Variants in CFLAR observed in about 807,000 individuals in gnomAD.
CFLAR encodes CASP8 and FADD-like apoptosis regulator.
A neutral mutation model predicts 51.1 loss-of-function variants in CFLAR; 14 were observed. That is an observed-to-expected ratio of 0.27 (90% confidence interval 0.18 to 0.43). The LOEUF is 0.43. Among genes scored for constraint, CFLAR ranks in the 20% least tolerant of loss-of-function variants. CFLAR has a pLI of 1.00. For missense variants in CFLAR, 390 were observed against 566.5 expected (o/e 0.69, Z 3.16); for synonymous variants, 210 against 211.6 (o/e 0.99, Z 0.06).
Position 201,172,583 on chromosome 2 carries a change from C to G in CFLAR, c.*8610C>G, listed in dbSNP as rs930806249. The stretch of plus-strand genomic sequence containing the variant: ...CTGCCACTCTAATCCTCCTCTTCCC[C>G]CAGCCTCTAGAAACAATAATCCATT... On this transcript the variant is annotated 3_prime_UTR_variant, in exon 10 of 10. Transcript: ENST00000309955. 3 of 152,182 alleles carry G rather than the reference C, an allele frequency of 2.0e-5. No individual in the cohort carries two copies. The highest frequency in any genetic ancestry group is 3.8e-4 in the East Asian group (2 of 5,202). The allele number at this position is 152,182 out of a possible 1,614,324, so 9.4% of individuals were successfully genotyped here. A position where few individuals can be genotyped will look rare whatever the true frequency, so the allele number is the denominator to read the frequency against.
rs750104735 is a variant in CFLAR at position 201,133,016 on chromosome 2, G to A, written c.282-13G>A. On this transcript the variant is annotated splice_polypyrimidine_tract_variant and intron_variant, in intron 2 of 9. Transcript: ENST00000309955. ...ATGTCTGAATTAACTAAATGAACTTGTCTGGTTTGCAGAGTGCTGATGGCA... is the reference window on the plus strand; with the variant it reads ...ATGTCTGAATTAACTAAATGAACTTATCTGGTTTGCAGAGTGCTGATGGCA... The A allele has an allele frequency of 5.6e-6, 9 of 1,606,698 alleles. No homozygotes were observed. Among genetic ancestry groups the A allele is most frequent in the South Asian group, 3.3e-5 (3 of 90,530 alleles).
At position 201,118,205 on chromosome 2, in the gene CFLAR, CTTTATGT is replaced by C. The variant is rs1313506149; in HGVS notation, c.-138+1729_-138+1735del. ...TCGTTAAAATGGCTTTCTCTAGCGA[CTTTATGT>C]TTTACGTTTCTGTTTGTAACTGACA... On this transcript the variant is annotated intron_variant, in intron 1 of 9. Coordinates refer to ENST00000309955, the MANE Select transcript of CFLAR (RefSeq NM_003879.7). The surrounding 1 kb of genome is among the most constrained non-coding windows in gnomAD (Gnocchi z 5.1). 6.6e-6 allele frequency among the ~76,000 whole-genome samples: 1 copy of C among 152,216 alleles called. No homozygotes were observed. Among genetic ancestry groups the C allele is most frequent in the African/African-American group, 2.4e-5 (1 of 41,448 alleles).
Position 201,173,834 on chromosome 2 carries a change from G to T in CFLAR, c.*9861G>T. On this transcript the variant is annotated 3_prime_UTR_variant, in exon 10 of 10. Coordinates refer to ENST00000309955, the MANE Select transcript of CFLAR (RefSeq NM_003879.7). ...TTACAGGCACCCACCATCACGCCTG[G>T]CTAATTTTTGTATTTTTAGTAGAGA... 6.6e-6 allele frequency: 1 copy of T among 151,224 alleles called. No individual in the cohort carries two copies. Among genetic ancestry groups the T allele is most frequent in the Non-Finnish European group, 1.5e-5 (1 of 67,896 alleles). 9.4% of individuals were successfully genotyped at this position (151,224 alleles called of 1,614,324 possible). A position where few individuals can be genotyped will look rare whatever the true frequency, so the allele number is the denominator to read the frequency against.
chr2:201,164,950 C>G lies in CFLAR; in HGVS notation c.*977C>G, dbSNP rs530573999. Reference sequence around the variant, plus strand: ...GGCAGAAAAAGAGGATGCAAACTCTCAAGTATATCTTTAAGGGCACAAATT... The same window carrying G: ...GGCAGAAAAAGAGGATGCAAACTCTGAAGTATATCTTTAAGGGCACAAATT... On this transcript the variant is annotated 3_prime_UTR_variant, in exon 10 of 10. Transcript: ENST00000309955. 29 of 152,278 alleles carry G rather than the reference C, an allele frequency of 1.9e-4. No homozygotes were observed. Among genetic ancestry groups the G allele is most frequent in the African/African-American group, 7.0e-4 (29 of 41,548 alleles). 9.4% of individuals were successfully genotyped at this position (152,278 alleles called of 1,614,324 possible).
At chr2:201,162,849 T>C in intron 9 of CFLAR, 1 of 559,012 alleles carries the variant, frequency 1.8e-6, no homozygotes, top group Admixed American at 3.0e-5. Context: ...AGCATCAGTT[T>C]AATGTATGCA....
Position 201,140,081 on chromosome 2 carries a change from A to AG in CFLAR, c.524-274dup. The stretch of plus-strand genomic sequence containing the variant: ...AAACGCTGCAGCTGCTGCGACGCGG[A>AG]GGCGCGCCGCTGCCACGCTGCAGCC... On this transcript the variant is annotated intron_variant, in intron 4 of 9. Transcript: ENST00000309955. 2.3e-5 allele frequency: 2 copies of AG among 87,262 alleles called. 1 individual carries two copies. The highest frequency in any genetic ancestry group is 1.7e-4 in the South Asian group (2 of 11,640). 5.4% of individuals were successfully genotyped at this position (87,262 alleles called of 1,614,324 possible).
chr2:201,140,800 G>A (rs1938588828), intron 5 of CFLAR: 2 of 160,368 alleles, frequency 1.2e-5, no homozygotes, highest in African/African-American at 2.4e-5. Flanking sequence ...CATACAGTTG[G>A]ACAATTGGAC....
At position 201,124,602 on chromosome 2, in the gene CFLAR, T is replaced by G. The variant is rs1018036696; in HGVS notation, c.-137-5127T>G. ...CGCCCGCCTTGGCCTCCCAAAGTGC[T>G]GGGATTACAGGTGTGAGCCACCGCG... On this transcript the variant is annotated intron_variant, in intron 1 of 9. Coordinates refer to ENST00000309955, the MANE Select transcript of CFLAR (RefSeq NM_003879.7). This position sits in a 1 kb window ranked among gnomAD's most constrained non-coding sequence, Gnocchi z 4.7. Among the ~76,000 whole-genome samples, 1 of 152,220 alleles carries G rather than the reference T, an allele frequency of 6.6e-6. No homozygotes were observed. Among genetic ancestry groups the G allele is most frequent in the Non-Finnish European group, 1.5e-5 (1 of 68,048 alleles).
intron 9 of CFLAR, chr2:201,163,121 GA>G: frequency 7.8e-6 from 6 of 768,322 alleles, no homozygotes; most frequent in Non-Finnish European, 1.4e-5. Flanking sequence ...CTGTGTCCCT[GA>G]ATTCTCCCTG....
chr2:201,130,383 A>C (rs2049164782), intron 2 of CFLAR, among the ~76,000 whole-genome samples: 1 of 88,148 alleles, frequency 1.1e-5, no homozygotes, highest in Non-Finnish European at 2.1e-5. Flanking sequence ...TTTTTTTGAG[A>C]CAGAGTCTCA....
chr2:201,163,877 C>T lies in CFLAR; in HGVS notation c.1347C>T (p.Tyr449=). Reference sequence around the variant, plus strand: ...ATCTTCACATTGAACTCAATGGCTACATGTATGATTGGAACAGCAGAGTTT... The same window carrying T: ...ATCTTCACATTGAACTCAATGGCTATATGTATGATTGGAACAGCAGAGTTT... ...LLDLHIELNG[Y]MYDWNSRVSA... Residue 449 remains tyrosine (Y), a synonymous_variant, in exon 10 of 10, where the codon TAC becomes TAT. Coordinates refer to ENST00000309955, the MANE Select transcript of CFLAR (RefSeq NM_003879.7). The T allele has an allele frequency of 4.3e-6, 7 of 1,613,988 alleles. No individual in the cohort carries two copies. Among genetic ancestry groups the T allele is most frequent in the Non-Finnish European group, 5.9e-6 (7 of 1,179,920 alleles).
In CFLAR at chr2:201,166,137, C is replaced by T. The variant is rs1343094776; in HGVS notation, c.*2164C>T. On this transcript the variant is annotated 3_prime_UTR_variant, in exon 10 of 10. Coordinates refer to ENST00000309955, the MANE Select transcript of CFLAR (RefSeq NM_003879.7). ...GTGGCGGCTGGGCAGAGGGGCTCCT[C>T]ACTTCCCAGATGGGGCGGCCAGGCG... 1 of 169,620 alleles carries T rather than the reference C, an allele frequency of 5.9e-6. No homozygotes were observed. Among genetic ancestry groups the T allele is most frequent in the Non-Finnish European group, 1.2e-5 (1 of 80,898 alleles). The allele number at this position is 169,620 out of a possible 1,614,324, so 10.5% of individuals were successfully genotyped here. A position where few individuals can be genotyped will look rare whatever the true frequency, so the allele number is the denominator to read the frequency against.
intron 5 of CFLAR, 164 bp downstream of exon 5, chr2:201,140,603 AATAC>A (rs1306628710): frequency 1.4e-5 from 8 of 564,558 alleles, no homozygotes; most frequent in African/African-American, 1.4e-4. Context: ...TTTCAAAGCT[AATAC>A]ATGTTCATTG....
chr2:201,135,087 A>G (rs563920075), intron 3 of CFLAR, among the ~76,000 whole-genome samples: 1 of 152,354 alleles, frequency 6.6e-6, no homozygotes, highest in African/African-American at 2.4e-5. Context: ...TTTCTGAAAT[A>G]TCGTTCGTTC....
chr2:201,152,953 G>C (rs975599625), intron 8 of CFLAR: 3 of 152,306 alleles, frequency 2.0e-5, no homozygotes, highest in African/African-American at 7.2e-5. Flanking sequence ...CCCCATGGTT[G>C]CGGATGTATC....
At chr2:201,137,203 C>T (rs2050252031) in intron 4 of CFLAR, 1 of 207,182 alleles carries the variant, frequency 4.8e-6, no homozygotes, top group South Asian at 7.7e-5. Flanking sequence ...GCCGTCTGCC[C>T]CTGAGGTGGG....
Position 201,138,910 on chromosome 2 carries a change from C to T in CFLAR, c.524-1447C>T, listed in dbSNP as rs544438700. 1.1e-5 allele frequency: 7 copies of T among 665,778 alleles called. No homozygotes were observed. The East Asian group carries it at 1.6e-4, about 16-fold the overall frequency. 41.2% of individuals were successfully genotyped at this position (665,778 alleles called of 1,614,324 possible). On this transcript the variant is annotated intron_variant, in intron 4 of 9. Coordinates refer to ENST00000309955, the MANE Select transcript of CFLAR (RefSeq NM_003879.7). The surrounding 1 kb of genome is among the most constrained non-coding windows in gnomAD (Gnocchi z 4.0). ...ATTGGGTCAGGGCTGAGGTCAGGTC[C>T]ACCTCATCAGCTATGAAGTCTATGA... is the stretch of plus-strand genomic sequence containing the variant.
At chr2:201,156,125 C>T (rs1942138088) in intron 8 of CFLAR, among the ~76,000 whole-genome samples, 1 of 152,182 alleles carries the variant, frequency 6.6e-6, no homozygotes, top group South Asian at 2.1e-4. Flanking sequence ...TGAAGTACAT[C>T]ATATATTTGA....
chr2:201,121,726 G>A (rs1484188975), intron 1 of CFLAR, among the ~76,000 whole-genome samples: 1 of 152,172 alleles, frequency 6.6e-6, no homozygotes. Context: ...AATCTGTTGT[G>A]TAAACTGAGC....
Sources: gnomAD v4.1 joint callset for allele counts (sites outside exome capture counted in the v4.1 genomes callset) on GRCh38, gnomAD v4.1.1 for gene constraint, Gnocchi (gnomAD v3.1) non-coding constraint, MANE v1.5 for transcripts, NCBI Gene and HGNC (gene_info 2026-07-23, HGNC 2026-07-21) for gene names.